Variants in HSF2BP observed in about 807,000 individuals in gnomAD.
HSF2BP encodes heat shock factor 2-binding protein.
Under a neutral mutation model 35.0 loss-of-function variants are expected in HSF2BP, and 35 were observed. That is an observed-to-expected ratio of 1.00 (90% CI 0.76 to 1.32). HSF2BP has a LOEUF of 1.32. Among genes scored for constraint, HSF2BP ranks in the 40% most tolerant of loss-of-function variants. The probability of loss-of-function intolerance (pLI) is 0.00; values close to 1 mark genes in which losing one functional copy is unlikely to be tolerated. For missense variants in HSF2BP, 326 were observed against 321.7 expected, an observed-to-expected ratio of 1.01 and a Z score of -0.10; for synonymous variants, 114 against 117.4, an observed-to-expected ratio of 0.97 and a Z score of 0.18.
intron 8 of HSF2BP, among the ~76,000 whole-genome samples, chr21:43,579,109 A>G (rs2081686035): frequency 6.6e-6 from 1 of 152,238 alleles, no homozygotes. Flanking sequence ...CTGAATAGAA[A>G]GGGTTTCCAA....
intron 8 of HSF2BP, among the ~76,000 whole-genome samples, chr21:43,588,310 G>A (rs1024269206): frequency 4.8e-4 from 73 of 152,074 alleles, no homozygotes; most frequent in African/African-American, 1.5e-3. Flanking sequence ...CCCAGGAGGC[G>A]GAAGTTGCAG....
intron 2 of HSF2BP, 142 bp downstream of exon 2, chr21:43,657,919 C>G (rs968880429): frequency 6.8e-7 from 1 of 1,467,650 alleles, no homozygotes; most frequent in Non-Finnish European, 9.0e-7. Flanking sequence ...CGGCCCAGCC[C>G]ACGCCGTTAG....
intron 3 of HSF2BP, among the ~76,000 whole-genome samples, chr21:43,655,635 C>T (rs2082857199): frequency 6.6e-6 from 1 of 152,146 alleles, no homozygotes; most frequent in Non-Finnish European, 1.5e-5. Flanking sequence ...CTCTCTCCAC[C>T]CAGCAATGCC....
the HSF2BP span, among the ~76,000 whole-genome samples, chr21:43,467,825 CCA>C: frequency 3.0e-3 from 300 of 101,298 alleles, 4 homozygotes; most frequent in African/African-American, 0.01. Context: ...CACACACACA[CCA>C]CACACACCAC....
At chr21:43,644,155 A>C (rs2082677315) in intron 4 of HSF2BP, 134 bp downstream of exon 4, 1 of 629,170 alleles carries the variant, frequency 1.6e-6, no homozygotes, top group Non-Finnish European at 2.9e-6. Flanking sequence ...ACCCACTCAG[A>C]ATACATACAT....
the HSF2BP span, among the ~76,000 whole-genome samples, chr21:43,467,756 ACCC>A: frequency 1.4e-5 from 1 of 71,380 alleles, no homozygotes; most frequent in African/African-American, 6.5e-5. Flanking sequence ...CACACCACAC[ACCC>A]ACACACCACA....
the HSF2BP span, among the ~76,000 whole-genome samples, chr21:43,467,671 G>C: frequency 6.6e-6 from 1 of 151,038 alleles, no homozygotes; most frequent in African/African-American, 2.4e-5. Context: ...GGGGATGGGG[G>C]CCACAATCCA....
At chr21:43,576,675 C>T (rs555987394) in intron 8 of HSF2BP, among the ~76,000 whole-genome samples, 24 of 152,276 alleles carry the variant, frequency 1.6e-4, no homozygotes, top group Middle Eastern at 3.4e-3. Context: ...CCTACAAATA[C>T]GCTGCAAAAT....
intron 8 of HSF2BP, among the ~76,000 whole-genome samples, chr21:43,583,662 G>C (rs1456667600): frequency 6.9e-6 from 1 of 145,658 alleles, no homozygotes; most frequent in African/African-American, 2.6e-5. Context: ...GACCTGCTGA[G>C]GGAGATGAGG....
intron 4 of HSF2BP, among the ~76,000 whole-genome samples, chr21:43,638,739 G>T (rs1010286550): frequency 6.6e-6 from 1 of 152,162 alleles, no homozygotes; most frequent in Non-Finnish European, 1.5e-5. Flanking sequence ...TCTACAAACT[G>T]ATCTACAAAC....
chr21:43,573,237 G>A (rs951817254), intron 8 of HSF2BP, among the ~76,000 whole-genome samples: 3 of 152,232 alleles, frequency 2.0e-5, no homozygotes, highest in Non-Finnish European at 2.9e-5. Flanking sequence ...CTGCTGCCCA[G>A]TGTGACGGGG....
intron 3 of HSF2BP, among the ~76,000 whole-genome samples, chr21:43,646,603 A>T (rs925054023): frequency 3.9e-5 from 6 of 152,228 alleles, no homozygotes; most frequent in African/African-American, 1.4e-4. Context: ...TGTGGGAATT[A>T]ACTTTGACCA....
intron 6 of HSF2BP, among the ~76,000 whole-genome samples, chr21:43,621,948 A>G (rs1240874121): frequency 6.6e-6 from 1 of 152,234 alleles, no homozygotes; most frequent in East Asian, 1.9e-4. Flanking sequence ...AGAAACAATC[A>G]GAGCTACAGC....
chr21:43,608,694 G>T (rs2082165409), intron 7 of HSF2BP, among the ~76,000 whole-genome samples: 1 of 152,082 alleles, frequency 6.6e-6, no homozygotes, highest in South Asian at 2.1e-4. Flanking sequence ...ATAAGTGGTG[G>T]CTCATGCCTG....
At chr21:43,630,648 G>A (rs2082443805) in intron 5 of HSF2BP, among the ~76,000 whole-genome samples, 194 bp from the exon 6 acceptor site, 1 of 152,164 alleles carries the variant, frequency 6.6e-6, no homozygotes, top group South Asian at 2.1e-4. Context: ...CTACCCTGAA[G>A]ATTGGTGGAC....
chr21:43,618,786 A>G (rs1414961060), intron 6 of HSF2BP, among the ~76,000 whole-genome samples: 1 of 151,530 alleles, frequency 6.6e-6, no homozygotes. Context: ...AATACAAAAA[A>G]AAAAAAAAAA....
Position 43,644,382 on chromosome 21 carries a change from C to T in HSF2BP, c.198G>A (p.Arg66=), listed in dbSNP as rs138074225. The change falls in exon 4 of 9, where the codon AGG becomes AGA. Residue 66 remains arginine, a synonymous_variant. Coordinates refer to ENST00000291560, the MANE Select transcript of HSF2BP (RefSeq NM_007031.2). ...KLKIVEKNLE[R]KEQELEQLKM... ...TCAGCTGCTCTAATTCTTGCTCTTT[C>T]CTTTCCAGGTCTAGGAGAAAGACAT... is the stretch of plus-strand genomic sequence containing the variant. 5.0e-5 allele frequency: 80 copies of T among 1,613,412 alleles called. No homozygotes were observed. The African/African-American group carries it at 1.0e-3, about 20-fold the overall frequency.
intron 7 of HSF2BP, among the ~76,000 whole-genome samples, chr21:43,602,225 CTT>C (rs987739031): frequency 4.6e-5 from 7 of 152,238 alleles, no homozygotes; most frequent in Admixed American, 6.5e-5. Flanking sequence ...CCTCTCCACA[CTT>C]AGTTCTAAAA....
At chr21:43,649,330 G>A (rs938093698) in intron 3 of HSF2BP, among the ~76,000 whole-genome samples, 4 of 151,972 alleles carry the variant, frequency 2.6e-5, no homozygotes, top group African/African-American at 9.7e-5. Context: ...CTATTCGGGA[G>A]ACTGAGGCAG....
Sources: allele counts gnomAD v4.1 joint callset (sites outside exome capture counted in the v4.1 genomes callset), GRCh38; gene constraint gnomAD v4.1.1; transcripts MANE v1.5; gene names NCBI Gene and HGNC (gene_info 2026-07-23, HGNC 2026-07-21).